Variants in GRID1 observed in about 807,000 individuals in gnomAD.
GRID1 encodes the protein glutamate receptor ionotropic, delta-1.
GRID1 carries 28 observed loss-of-function variants against 98.0 expected under a neutral mutation model. The observed-to-expected ratio is 0.29, with a 90% confidence interval of 0.21 to 0.39. The LOEUF is 0.39. Among genes scored for constraint, GRID1 ranks in the 10% least tolerant of loss-of-function variants. The pLI is 1.00. For missense variants in GRID1, 1,111 were observed against 1,340.5 expected, an observed-to-expected ratio of 0.83 and a Z score of 2.67; for synonymous variants, 553 against 538.5, an observed-to-expected ratio of 1.03 and a Z score of -0.37.
intron 3 of GRID1, among the ~76,000 whole-genome samples, chr10:86,160,080 C>A (rs562614838): frequency 6.6e-6 from 1 of 152,060 alleles, no homozygotes; most frequent in Non-Finnish European, 1.5e-5. Context: ...ATCGTGTGAG[C>A]CAAAGCACAA....
At chr10:86,052,970 A>T (rs1233624829) in intron 4 of GRID1, among the ~76,000 whole-genome samples, 1 of 152,180 alleles carries the variant, frequency 6.6e-6, no homozygotes. Context: ...GCTCAAAGAC[A>T]GGTACAAAGC....
chr10:85,971,640 G>T (rs1034750910), intron 4 of GRID1, among the ~76,000 whole-genome samples: 2 of 152,114 alleles, frequency 1.3e-5, no homozygotes, highest in African/African-American at 4.8e-5. Flanking sequence ...TAAAACCACA[G>T]TGAGACTCAC....
At chr10:85,708,436 G>T (rs1023951589) in intron 12 of GRID1, among the ~76,000 whole-genome samples, 2 of 151,872 alleles carry the variant, frequency 1.3e-5, no homozygotes, top group African/African-American at 2.4e-5. Flanking sequence ...TAATAAAATG[G>T]GATCAGAAAT....
intron 4 of GRID1, among the ~76,000 whole-genome samples, chr10:85,999,742 G>GA (rs1292914233): frequency 1.3e-5 from 2 of 152,122 alleles, no homozygotes; most frequent in Admixed American, 6.5e-5. Flanking sequence ...AATGGATGCA[G>GA]AAAAAAAGCA....
intron 4 of GRID1, among the ~76,000 whole-genome samples, chr10:85,947,182 A>G (rs1842064228): frequency 6.6e-6 from 1 of 152,162 alleles, no homozygotes; most frequent in Non-Finnish European, 1.5e-5. Flanking sequence ...CAAAATGAAA[A>G]TTAAGTTCCG....
intron 3 of GRID1, among the ~76,000 whole-genome samples, chr10:86,170,400 T>C (rs1190045550): frequency 6.6e-6 from 1 of 152,246 alleles, no homozygotes; most frequent in South Asian, 2.1e-4. Context: ...CATAGGATTG[T>C]CGTTTGAGGC....
intron 4 of GRID1, among the ~76,000 whole-genome samples, chr10:86,055,686 T>G (rs1482687434): frequency 6.6e-6 from 1 of 152,156 alleles, no homozygotes; most frequent in Non-Finnish European, 1.5e-5. Flanking sequence ...GAGGTTGCAG[T>G]GAGCCGAGAT....
At chr10:85,938,153 CA>C (rs1841951219) in intron 4 of GRID1, among the ~76,000 whole-genome samples, 1 of 152,154 alleles carries the variant, frequency 6.6e-6, no homozygotes, top group Non-Finnish European at 1.5e-5. Context: ...AAGATCTTGC[CA>C]GGGGGAATCT....
At chr10:85,620,304 T>A (rs553770368) in intron 13 of GRID1, among the ~76,000 whole-genome samples, 1 of 152,226 alleles carries the variant, frequency 6.6e-6, no homozygotes, top group African/African-American at 2.4e-5. Flanking sequence ...AGGTGGGCTC[T>A]AAGACGAGCT....
At chr10:86,081,697 G>C (rs1271527803) in intron 4 of GRID1, among the ~76,000 whole-genome samples, 1 of 152,154 alleles carries the variant, frequency 6.6e-6, no homozygotes, top group African/African-American at 2.4e-5. Context: ...AAATAAATGA[G>C]CTATCAAGCC....
At chr10:85,911,253 G>C (rs1384502653) in intron 5 of GRID1, among the ~76,000 whole-genome samples, 1 of 152,176 alleles carries the variant, frequency 6.6e-6, no homozygotes, top group African/African-American at 2.4e-5. Flanking sequence ...TCTGAGATCA[G>C]GAGCACCAAG....
At chr10:86,288,614 T>C (rs540340061) in intron 2 of GRID1, among the ~76,000 whole-genome samples, 1 of 152,302 alleles carries the variant, frequency 6.6e-6, no homozygotes, top group East Asian at 1.9e-4. Context: ...GGGGGAAAAG[T>C]AGCTTAGTTA....
chr10:86,323,669 G>C (rs746034818), intron 2 of GRID1, among the ~76,000 whole-genome samples: 4 of 152,180 alleles, frequency 2.6e-5, no homozygotes, highest in African/African-American at 4.8e-5. Flanking sequence ...CTGCTCAATG[G>C]GTACAGGGTC....
intron 4 of GRID1, among the ~76,000 whole-genome samples, chr10:86,090,057 A>G (rs1012116401): frequency 2.6e-5 from 4 of 152,132 alleles, no homozygotes; most frequent in African/African-American, 9.7e-5. Flanking sequence ...TGGAAATTTT[A>G]AAACTAAAAA....
chr10:86,363,815 C>A (rs1297939035), intron 2 of GRID1, 126 bp downstream of exon 2: 1 of 784,038 alleles, frequency 1.3e-6, no homozygotes, highest in Non-Finnish European at 2.0e-6. Flanking sequence ...CCGCGCATGG[C>A]ACCGCGGCTG....
At chr10:85,800,393 C>G (rs1167045811) in intron 8 of GRID1, among the ~76,000 whole-genome samples, 2 of 151,812 alleles carry the variant, frequency 1.3e-5, no homozygotes, top group Admixed American at 6.6e-5. Flanking sequence ...CCAAAGGTTA[C>G]AAGATAGAAA....
chr10:85,733,618 C>T (rs1438669108), intron 8 of GRID1, among the ~76,000 whole-genome samples: 4 of 152,190 alleles, frequency 2.6e-5, no homozygotes. Context: ...GCGTGAGCCA[C>T]TGTGCCCAGC....
chr10:85,849,796 C>T (rs1843040612), intron 8 of GRID1, among the ~76,000 whole-genome samples: 1 of 152,180 alleles, frequency 6.6e-6, no homozygotes. Context: ...CCACCTATTG[C>T]AACCAGCACA....
chr10:85,812,858 A>ATG (rs1444267575), intron 8 of GRID1, among the ~76,000 whole-genome samples: 1 of 151,778 alleles, frequency 6.6e-6, no homozygotes, highest in African/African-American at 2.4e-5. Flanking sequence ...TGTATATTAT[A>ATG]TATATATACA....
Sources: gnomAD v4.1 joint callset for allele counts (sites outside exome capture counted in the v4.1 genomes callset) on GRCh38, gnomAD v4.1.1 for gene constraint, MANE v1.5 for transcripts, NCBI Gene and HGNC (gene_info 2026-07-23, HGNC 2026-07-21) for gene names.